Variants in LRRC7 observed in about 807,000 individuals in gnomAD.
LRRC7 encodes leucine rich repeat containing 7.
Under a neutral mutation model 175.7 loss-of-function variants are expected in LRRC7, and 23 were observed. The ratio of observed to expected loss-of-function variants is 0.13; its 90% CI spans 0.09 to 0.19. The LOEUF (loss-of-function observed/expected upper bound fraction) is 0.19. LRRC7 is among the 10% of genes least tolerant of loss of function. The pLI is 1.00. For missense variants in LRRC7, 1,354 were observed against 1,904.7 expected (o/e 0.71, Z 5.38); for synonymous variants, 685 against 680.9 (o/e 1.01, Z -0.09).
intron 1 of LRRC7, among the ~76,000 whole-genome samples, chr1:69,677,704 T>A (rs1570313752): frequency 6.6e-6 from 1 of 152,134 alleles, no homozygotes; most frequent in Non-Finnish European, 1.5e-5. Flanking sequence ...CTTAGTTTTT[T>A]AAATTTATTT....
At position 69,887,900 on chromosome 1, in the gene LRRC7, G is replaced by T. The variant is rs1314400344; in HGVS notation, c.648-43607G>T. On this transcript the variant is annotated intron_variant, in intron 7 of 26. Transcript: ENST00000651989. ...CTGTGTGAGGTGTCAGTGTGCCCCT[G>T]CTGGGGGGTGCCTCTCAGTTAGGCT... is the stretch of plus-strand genomic sequence containing the variant. 3.4e-5 allele frequency among the ~76,000 whole-genome samples: 5 copies of T among 146,720 alleles called. No individual in the cohort carries two copies. The Middle Eastern group carries it at 0.014, about 399-fold the overall frequency.
At chr1:69,796,141 CT>C (rs1675736810) in intron 4 of LRRC7, among the ~76,000 whole-genome samples, 1 of 121,518 alleles carries the variant, frequency 8.2e-6, no homozygotes, top group Non-Finnish European at 1.7e-5. Flanking sequence ...TCAACAGTCC[CT>C]GGTGTGTGAT....
intron 2 of LRRC7, among the ~76,000 whole-genome samples, chr1:69,749,108 TCC>T (rs1325144194): frequency 1.3e-5 from 2 of 152,178 alleles, no homozygotes; most frequent in Admixed American, 6.5e-5. Flanking sequence ...CTTTCTACTG[TCC>T]TTACATGTAT....
At chr1:69,697,275 AACTCAATTC>A (rs1363498863) in intron 2 of LRRC7, among the ~76,000 whole-genome samples, 34 of 152,306 alleles carry the variant, frequency 2.2e-4, no homozygotes, top group African/African-American at 7.2e-4. Context: ...ATTTTACACA[AACTCAATTC>A]TTAAAATCCA....
At chr1:69,814,818 G>T (rs1678390895) in intron 4 of LRRC7, among the ~76,000 whole-genome samples, 1 of 152,076 alleles carries the variant, frequency 6.6e-6, no homozygotes, top group Admixed American at 6.6e-5. Flanking sequence ...AACCACAAAA[G>T]CCTCAGCAAA....
intron 26 of LRRC7, among the ~76,000 whole-genome samples, chr1:70,121,389 T>C (rs1666198566): frequency 6.6e-6 from 1 of 152,064 alleles, no homozygotes; most frequent in Non-Finnish European, 1.5e-5. Context: ...GTCATGCTGA[T>C]TAGTTTATAT....
chr1:69,764,656 A>G (rs1342511062), intron 3 of LRRC7, among the ~76,000 whole-genome samples: 1 of 151,916 alleles, frequency 6.6e-6, no homozygotes, highest in African/African-American at 2.4e-5. Context: ...TTTCTTCATT[A>G]GTAAAACTCG....
chr1:69,629,376 A>G (rs1020633368), intron 1 of LRRC7, among the ~76,000 whole-genome samples: 1 of 152,200 alleles, frequency 6.6e-6, no homozygotes, highest in African/African-American at 2.4e-5. Context: ...TACATAAATG[A>G]AGAAGTATTA....
chr1:70,068,480 T>C (rs1233801494), intron 23 of LRRC7, among the ~76,000 whole-genome samples: 2 of 152,194 alleles, frequency 1.3e-5, no homozygotes, highest in African/African-American at 4.8e-5. Flanking sequence ...ATTCTTTTTA[T>C]ATATTGCTAA....
At chr1:69,580,478 A>G (rs1261675020) in intron 1 of LRRC7, among the ~76,000 whole-genome samples, 1 of 152,168 alleles carries the variant, frequency 6.6e-6, no homozygotes, top group Non-Finnish European at 1.5e-5. Context: ...TTAATACACC[A>G]GAAGTCTAAG....
In LRRC7 at chr1:69,922,401, C is replaced by A. The variant is rs531122574; in HGVS notation, c.648-9106C>A. On this transcript the variant is annotated intron_variant, in intron 7 of 26. Transcript: ENST00000651989. ...ACCTTCCCCAAGGCTGAAAAAGTAC[C>A]TCTCCTTTTTGTTCTCTAGCAACCT... Among the ~76,000 whole-genome samples, 9 of 152,198 alleles carry A rather than the reference C, an allele frequency of 5.9e-5. No homozygotes were observed. The South Asian group carries it at 1.9e-3, about 32-fold the overall frequency.
At chr1:69,774,831 G>T (rs1672637960) in intron 3 of LRRC7, among the ~76,000 whole-genome samples, 1 of 151,922 alleles carries the variant, frequency 6.6e-6, no homozygotes, top group Non-Finnish European at 1.5e-5. Flanking sequence ...GATTTTTCAA[G>T]TGCCATAATA....
At chr1:69,739,366 A>G (rs1324582822) in intron 2 of LRRC7, among the ~76,000 whole-genome samples, 1 of 152,048 alleles carries the variant, frequency 6.6e-6, no homozygotes. Context: ...GGGCAGCCAT[A>G]GGGCTTTCAG....
chr1:69,677,567 C>A (rs1395743506), intron 1 of LRRC7, among the ~76,000 whole-genome samples: 1 of 151,900 alleles, frequency 6.6e-6, no homozygotes, highest in Non-Finnish European at 1.5e-5. Context: ...CACATCCATG[C>A]CAACATCTAT....
At chr1:70,115,198 T>A (rs537108935) in intron 26 of LRRC7, among the ~76,000 whole-genome samples, 2 of 152,334 alleles carry the variant, frequency 1.3e-5, no homozygotes, top group South Asian at 2.1e-4. Flanking sequence ...TACTTTTAAA[T>A]AATTATCCTT....
intron 7 of LRRC7, among the ~76,000 whole-genome samples, chr1:69,930,201 G>A (rs950308179): frequency 6.6e-6 from 1 of 151,834 alleles, no homozygotes; most frequent in East Asian, 1.9e-4. Flanking sequence ...TTTGAGGTAG[G>A]AATTTTTATC....
intron 1 of LRRC7, among the ~76,000 whole-genome samples, chr1:69,640,863 A>T (rs1654098147): frequency 6.6e-6 from 1 of 151,608 alleles, no homozygotes; most frequent in Non-Finnish European, 1.5e-5. Flanking sequence ...GTAAAATACT[A>T]ACATAAGTCA....
chr1:70,079,330 TA>T (rs1663043103), intron 24 of LRRC7, among the ~76,000 whole-genome samples: 2 of 152,134 alleles, frequency 1.3e-5, no homozygotes, highest in Admixed American at 1.3e-4. Flanking sequence ...AGTGGTGCTA[TA>T]AAAGAGCCAT....
intron 7 of LRRC7, among the ~76,000 whole-genome samples, chr1:69,899,097 A>G (rs1646061353): frequency 6.6e-6 from 1 of 152,234 alleles, no homozygotes; most frequent in African/African-American, 2.4e-5. Context: ...TGTGAGCAGA[A>G]GGAATGGAAA....
Sources: gnomAD v4.1 joint callset for allele counts (sites outside exome capture counted in the v4.1 genomes callset) on GRCh38, gnomAD v4.1.1 for gene constraint, MANE v1.5 for transcripts, NCBI Gene and HGNC (gene_info 2026-07-23, HGNC 2026-07-21) for gene names.